Variants in RPS6KA2 observed in about 807,000 individuals in gnomAD.
RPS6KA2 encodes ribosomal protein S6 kinase A2, also known as ribosomal protein S6 kinase alpha-2.
Under a neutral mutation model 91.8 loss-of-function variants are expected in RPS6KA2, and 42 were observed. The observed-to-expected ratio is 0.46, with a 90% CI of 0.36 to 0.59. The LOEUF is 0.59. Ranked by LOEUF, RPS6KA2 falls within the 20% of genes least tolerant of loss-of-function variation. The pLI is 0.00. For missense variants in RPS6KA2, 798 were observed against 978.5 expected (o/e 0.82, Z 2.46); for synonymous variants, 414 against 393.6 (o/e 1.05, Z -0.61).
At chr6:166,509,975 C>T (rs3757193) in intron 4 of RPS6KA2, among the ~76,000 whole-genome samples, 12,735 of 152,184 alleles carry the variant, frequency 0.084, 656 homozygotes, top group East Asian at 0.16. Context: ...GTCATAGATT[C>T]ACCCCAATCT....
chr6:166,412,853 C>T lies in RPS6KA2; in HGVS notation c.2111G>A (p.Arg704Lys), dbSNP rs1216450782. Reference sequence around the variant, plus strand: ...CTCCAGCCGCGGGGCCTGAGGTGTTCTGTTTAGAGCAAAGTAGGTGGCGGC... The same window carrying T: ...CTCCAGCCGCGGGGCCTGAGGTGTTTTGTTTAGAGCAAAGTAGGTGGCGGC... The part of the protein sequence containing the change: ...AMAATYFALN[R>K]TPQAPRLEPV... Residue 704 changes from arginine to lysine, a missense_variant, in exon 21 of 21, where the codon AGA becomes AAA. Physicochemically the swap from Arg to Lys is conservative, Grantham distance 26 (BLOSUM62 2). Transcript: ENST00000265678. This position sits in a 1 kb window ranked among gnomAD's most constrained non-coding sequence, Gnocchi z 4.3. 5 of 1,566,526 alleles carry T rather than the reference C, an allele frequency of 3.2e-6. No homozygotes were observed. In the African/African-American group the frequency reaches 5.4e-5, roughly 17 times the overall value.
chr6:166,668,679 A>G (rs978791656), intron 2 of RPS6KA2, among the ~76,000 whole-genome samples: 2 of 152,176 alleles, frequency 1.3e-5, no homozygotes, highest in African/African-American at 4.8e-5. Context: ...GCCTCTCTGA[A>G]GAGGCACAGG....
rs1099661 is a variant in RPS6KA2, at chr6:166,821,502, T to G, written c.123+36698A>C. Reference sequence around the variant, plus strand: ...CTTCTCCTGTAAACGCTGCAGTCAGTCTCCATCCTTAGCCTGGCACGGGTC... The same window carrying G: ...CTTCTCCTGTAAACGCTGCAGTCAGGCTCCATCCTTAGCCTGGCACGGGTC... On this transcript the variant is annotated intron_variant, in intron 2 of 21. Transcript: ENST00000503859. The surrounding 1 kb of genome is among the most constrained non-coding windows in gnomAD (Gnocchi z 4.1). 0.77 allele frequency among the ~76,000 whole-genome samples: 116,694 copies of G among 152,032 alleles called. 45,038 individuals carry two copies. The highest frequency in any genetic ancestry group is 0.8 in the Non-Finnish European group (54,470 of 67,968).
intron 1 of RPS6KA2, among the ~76,000 whole-genome samples, chr6:166,617,424 C>G (rs1310537705): frequency 6.6e-6 from 1 of 152,092 alleles, no homozygotes; most frequent in African/African-American, 2.4e-5. Context: ...TAAGATAACA[C>G]TAGATCAGCT....
chr6:166,653,624 T>TA (rs1787924882), intron 2 of RPS6KA2, among the ~76,000 whole-genome samples: 1 of 152,208 alleles, frequency 6.6e-6, no homozygotes, highest in East Asian at 1.9e-4. Context: ...TATCACTTGA[T>TA]AAAAATAGCT....
chr6:166,449,875 G>T (rs1347161620), intron 13 of RPS6KA2, among the ~76,000 whole-genome samples: 2 of 131,196 alleles, frequency 1.5e-5, no homozygotes, highest in African/African-American at 2.6e-5. Flanking sequence ...ACCACCACGC[G>T]GACCACCATG....
At chr6:166,673,090 A>G (rs1336833258) in intron 2 of RPS6KA2, among the ~76,000 whole-genome samples, 1 of 151,040 alleles carries the variant, frequency 6.6e-6, no homozygotes, top group Admixed American at 6.6e-5. Context: ...CTAGGTGCAC[A>G]CTCACTGTAA....
chr6:166,671,469 C>T (rs1788469998), intron 2 of RPS6KA2, among the ~76,000 whole-genome samples: 1 of 152,122 alleles, frequency 6.6e-6, no homozygotes, highest in African/African-American at 2.4e-5. Context: ...TGTACTGACG[C>T]TGGTGACCTG....
At chr6:166,786,215 T>G (rs1177418159) in intron 2 of RPS6KA2, among the ~76,000 whole-genome samples, 1 of 152,200 alleles carries the variant, frequency 6.6e-6, no homozygotes, top group African/African-American at 2.4e-5. Context: ...GGAGCAGAAC[T>G]AAATATGAAC....
At position 166,469,833 on chromosome 6, in the gene RPS6KA2, C is replaced by A. The variant is rs373009738; in HGVS notation, c.972+8G>T. Reference sequence around the variant, plus strand: ...GTGTGCAGGTGGGGACTGTGGCATGCAACTTACGTTCCAGTCTATGGTCAC... The same window carrying A: ...GTGTGCAGGTGGGGACTGTGGCATGAAACTTACGTTCCAGTCTATGGTCAC... On this transcript the variant is annotated splice_region_variant and intron_variant, in intron 11 of 20. Transcript: ENST00000265678. 1.1e-3 allele frequency: 1,776 copies of A among 1,613,288 alleles called. 4 individuals carry two copies. The highest frequency in any genetic ancestry group is 1.4e-3 in the Non-Finnish European group (1,679 of 1,179,310).
rs1242469698 is a variant in RPS6KA2 at position 166,821,190 on chromosome 6, T to C, written c.123+37010A>G. Reference sequence around the variant, plus strand: ...TAAATGTAAAACACATCTAGCAAATTTGAAGTGTTATTTCGAATTGCTTAG... The same window carrying C: ...TAAATGTAAAACACATCTAGCAAATCTGAAGTGTTATTTCGAATTGCTTAG... On this transcript the variant is annotated intron_variant, in intron 2 of 21. Transcript: ENST00000503859. The surrounding 1 kb of genome is among the most constrained non-coding windows in gnomAD (Gnocchi z 4.1). Among the ~76,000 whole-genome samples, 1 of 152,194 alleles carries C rather than the reference T, an allele frequency of 6.6e-6. No individual in the cohort carries two copies. The highest frequency in any genetic ancestry group is 1.5e-5 in the Non-Finnish European group (1 of 68,038).
At chr6:166,473,318 G>T (rs1780842455) in intron 10 of RPS6KA2, among the ~76,000 whole-genome samples, 1 of 152,002 alleles carries the variant, frequency 6.6e-6, no homozygotes, top group African/African-American at 2.4e-5. Context: ...AGTCTCCTGA[G>T]TAGCTGGGAC....
At chr6:166,589,223 C>T (rs866666335) in intron 1 of RPS6KA2, among the ~76,000 whole-genome samples, 5 of 152,252 alleles carry the variant, frequency 3.3e-5, no homozygotes, top group African/African-American at 1.2e-4. Context: ...TTATGTTTCA[C>T]AGCCAGTGTG....
At chr6:166,782,109 G>A (rs1778788640) in intron 2 of RPS6KA2, among the ~76,000 whole-genome samples, 1 of 152,142 alleles carries the variant, frequency 6.6e-6, no homozygotes, top group Non-Finnish European at 1.5e-5. Flanking sequence ...TGGCTAACAT[G>A]GTGAAACCCT....
intron 2 of RPS6KA2, among the ~76,000 whole-genome samples, chr6:166,747,803 G>A (rs764321947): frequency 6.6e-6 from 1 of 152,206 alleles, no homozygotes; most frequent in Non-Finnish European, 1.5e-5. Flanking sequence ...GCCTAGCTGG[G>A]GTGCTTCCTT....
chr6:166,752,881 G>A (rs900514213), intron 2 of RPS6KA2, among the ~76,000 whole-genome samples: 19 of 152,208 alleles, frequency 1.2e-4, no homozygotes, highest in African/African-American at 4.6e-4. Flanking sequence ...TAACCACTGT[G>A]TTAAGCCTTG....
At chr6:166,773,352 C>T (rs547897175) in intron 2 of RPS6KA2, among the ~76,000 whole-genome samples, 2 of 152,192 alleles carry the variant, frequency 1.3e-5, no homozygotes, top group South Asian at 4.1e-4. Context: ...AATCCTGACT[C>T]CTGAAGCAAT....
chr6:166,709,835 G>A (rs1222084680), intron 2 of RPS6KA2, among the ~76,000 whole-genome samples: 2 of 152,138 alleles, frequency 1.3e-5, no homozygotes, highest in Non-Finnish European at 2.9e-5. Context: ...TTCAGTCTCT[G>A]TGTCTGAAGT....
intron 5 of RPS6KA2, among the ~76,000 whole-genome samples, chr6:166,506,538 C>A (rs376958928): frequency 1.3e-5 from 2 of 152,182 alleles, no homozygotes; most frequent in African/African-American, 2.4e-5. Flanking sequence ...AGGGGCCAGA[C>A]GCCAGTTCCC....
Sources: gnomAD v4.1 joint callset for allele counts (sites outside exome capture counted in the v4.1 genomes callset) on GRCh38, gnomAD v4.1.1 for gene constraint, Gnocchi (gnomAD v3.1) non-coding constraint, MANE v1.5 for transcripts, NCBI Gene and HGNC (gene_info 2026-07-23, HGNC 2026-07-21) for gene names.